PCDHGA8: variants seen among roughly 807,000 people sequenced by gnomAD.
PCDHGA8 encodes the protein protocadherin gamma-A8.
A neutral mutation model predicts 59.2 loss-of-function variants in PCDHGA8; 45 were observed. The ratio of observed to expected loss-of-function variants is 0.76; its 90% CI spans 0.60 to 0.98. The LOEUF (loss-of-function observed/expected upper bound fraction) is 0.98. PCDHGA8 is among the 50% of genes least tolerant of loss of function. PCDHGA8 has a pLI of 0.00. For synonymous variants in PCDHGA8, 531 were observed against 519.0 expected, an observed-to-expected ratio of 1.02 and a Z score of -0.32; for missense variants, 1,257 against 1,196.2, an observed-to-expected ratio of 1.05 and a Z score of -0.75.
rs753872678 is a variant in PCDHGA8, at chr5:141,431,407, C to G, written c.2424+36170C>G. 4 of 1,613,716 alleles carry G rather than the reference C, an allele frequency of 2.5e-6. No individual in the cohort carries two copies. Among genetic ancestry groups the G allele is most frequent in the Non-Finnish European group, 3.4e-6 (4 of 1,180,048 alleles). The stretch of plus-strand genomic sequence containing the variant: ...ACCACCTGGTCCTTACGGCCTCCGA[C>G]GGGGGCGACCCGGTGCGCACAGGCA... On this transcript the variant is annotated intron_variant, in intron 1 of 3. Coordinates refer to ENST00000398604, the MANE Select transcript of PCDHGA8 (RefSeq NM_032088.2). This position sits in a 1 kb window ranked among gnomAD's most constrained non-coding sequence, Gnocchi z 4.8.
intron 1 of PCDHGA8, chr5:141,399,703 C>T: frequency 1.2e-6 from 2 of 1,613,474 alleles, no homozygotes; most frequent in African/African-American, 1.3e-5. Flanking sequence ...CACCTTCGAA[C>T]TCACACTACA....
intron 1 of PCDHGA8, chr5:141,415,377 C>T (rs774655293): frequency 1.2e-6 from 2 of 1,614,118 alleles, no homozygotes; most frequent in African/African-American, 2.7e-5. Flanking sequence ...CTTCAGGAGG[C>T]GGCTTGACAG....
At chr5:141,405,054 C>T (rs773491411) in intron 1 of PCDHGA8, 7 of 1,613,806 alleles carry the variant, frequency 4.3e-6, no homozygotes, top group Admixed American at 1.7e-5. Flanking sequence ...GCAGTCGTCT[C>T]CTGTGTCTTC....
intron 1 of PCDHGA8, chr5:141,410,258 G>A: frequency 6.2e-7 from 1 of 1,614,022 alleles, no homozygotes; most frequent in East Asian, 2.2e-5. Context: ...TGACCCCCAG[G>A]CTGAACTGCA....
At chr5:141,420,742 A>G (rs967908996) in intron 1 of PCDHGA8, among the ~76,000 whole-genome samples, 3 of 152,372 alleles carry the variant, frequency 2.0e-5, no homozygotes, top group African/African-American at 7.2e-5. Context: ...AATCAATTGG[A>G]ACCAACTACA....
At chr5:141,421,651 A>G in intron 1 of PCDHGA8, 1 of 1,613,868 alleles carries the variant, frequency 6.2e-7, no homozygotes, top group Non-Finnish European at 8.5e-7. Flanking sequence ...AGTGGAGATA[A>G]AAGTCAGTGA....
At chr5:141,500,223 T>TATTG (rs1554186512) in intron 2 of PCDHGA8, among the ~76,000 whole-genome samples, 5 of 145,410 alleles carry the variant, frequency 3.4e-5, no homozygotes, top group African/African-American at 5.2e-5. Context: ...TTTATTTATT[T>TATTG]ATTGATACGT....
chr5:141,489,314 G>T lies in PCDHGA8; in HGVS notation c.2425-5493G>T. ...TGCATGTTGTCCTTGTGCTGCTGGG[G>T]CTGGGTGTCTGGGCAGCTTCGTTAC... On this transcript the variant is annotated intron_variant, in intron 1 of 3. Transcript: ENST00000398604. This position sits in a 1 kb window ranked among gnomAD's most constrained non-coding sequence, Gnocchi z 4.5. 6.3e-7 allele frequency: 1 copy of T among 1,596,908 alleles called. No individual in the cohort carries two copies. The highest frequency in any genetic ancestry group is 8.5e-7 in the Non-Finnish European group (1 of 1,170,694).
chr5:141,399,562 T>G (rs764432886), intron 1 of PCDHGA8: 1 of 1,613,898 alleles, frequency 6.2e-7, no homozygotes, highest in East Asian at 2.2e-5. Flanking sequence ...GGACTTGGGG[T>G]TGAACGGCCA....
rs942270362 is a variant in PCDHGA8 at position 141,394,773 on chromosome 5, C to T, written c.1960C>T (p.Leu654Phe). Residue 654 changes from leucine to phenylalanine, a missense_variant, in exon 1 of 4, where the codon CTC becomes TTC. By Grantham distance (22) the Leu-to-Phe change is conservative. Coordinates refer to ENST00000398604, the MANE Select transcript of PCDHGA8 (RefSeq NM_032088.2). The part of the protein sequence containing the change: ...VAVQDHGQPP[L>F]SATVTLTVAV... ...CGTCCAGGACCATGGCCAGCCCCCT[C>T]TCTCCGCCACTGTCACGCTCACCGT... 4.3e-5 allele frequency: 70 copies of T among 1,613,400 alleles called. No homozygotes were observed. The highest frequency in any genetic ancestry group is 5.6e-5 in the Non-Finnish European group (66 of 1,179,978).
intron 1 of PCDHGA8, among the ~76,000 whole-genome samples, chr5:141,454,195 T>A (rs1295815862): frequency 1.3e-5 from 2 of 152,136 alleles, no homozygotes; most frequent in Admixed American, 1.3e-4. Flanking sequence ...TTAGTGAAGG[T>A]GAATTTATTG....
Position 141,476,788 on chromosome 5 carries a change from C to G in PCDHGA8, c.2425-18019C>G. 1 of 1,613,478 alleles carries G rather than the reference C, an allele frequency of 6.2e-7. No homozygotes were observed. Among genetic ancestry groups the G allele is most frequent in the Non-Finnish European group, 8.5e-7 (1 of 1,180,032 alleles). ...CGTTGGACGGAGGGACCCCAGCTCT[C>G]TCCGCCAGCCTGCCTATTCACATCA... On this transcript the variant is annotated intron_variant, in intron 1 of 3. Coordinates refer to ENST00000398604, the MANE Select transcript of PCDHGA8 (RefSeq NM_032088.2). This position sits in a 1 kb window ranked among gnomAD's most constrained non-coding sequence, Gnocchi z 7.6.
At chr5:141,427,863 G>A (rs769808388) in intron 1 of PCDHGA8, 1 of 1,557,316 alleles carries the variant, frequency 6.4e-7, no homozygotes, top group Non-Finnish European at 8.8e-7. Context: ...GTGCGCCTTC[G>A]AGCTCACGAT....
At chr5:141,484,873 G>A (rs754469397) in intron 1 of PCDHGA8, 50 of 322,006 alleles carry the variant, frequency 1.6e-4, no homozygotes, top group Non-Finnish European at 2.5e-4. Flanking sequence ...GAGCGTGGAG[G>A]ATAGGGTGGG....
intron 1 of PCDHGA8, chr5:141,419,707 C>G (rs781629810): frequency 6.2e-7 from 1 of 1,613,180 alleles, no homozygotes. Flanking sequence ...AGCCCGGGCT[C>G]TTCAGCCTGG....
intron 1 of PCDHGA8, among the ~76,000 whole-genome samples, chr5:141,475,364 G>C (rs2099362607): frequency 6.6e-6 from 1 of 152,200 alleles, no homozygotes; most frequent in Admixed American, 6.5e-5. Flanking sequence ...AATAAAATCT[G>C]AATTGTACTT....
At chr5:141,464,300 A>T (rs1349155102) in intron 1 of PCDHGA8, among the ~76,000 whole-genome samples, 2 of 149,898 alleles carry the variant, frequency 1.3e-5, no homozygotes, top group African/African-American at 4.9e-5. Flanking sequence ...ACTCCATTGT[A>T]TGTGCACATA....
chr5:141,437,638 A>G (rs192433359), intron 1 of PCDHGA8, among the ~76,000 whole-genome samples: 1 of 152,250 alleles, frequency 6.6e-6, no homozygotes, highest in Admixed American at 6.5e-5. Context: ...TGTCAGGTTC[A>G]GAAAAGCAAA....
At chr5:141,401,936 G>A (rs950687803) in intron 1 of PCDHGA8, among the ~76,000 whole-genome samples, 1 of 152,100 alleles carries the variant, frequency 6.6e-6, no homozygotes, top group African/African-American at 2.4e-5. Flanking sequence ...TTAGAATAAT[G>A]TTTAAGACCA....
Sources: gnomAD v4.1 joint callset for allele counts (sites outside exome capture counted in the v4.1 genomes callset) on GRCh38, gnomAD v4.1.1 for gene constraint, Gnocchi (gnomAD v3.1) non-coding constraint, MANE v1.5 for transcripts, NCBI Gene and HGNC (gene_info 2026-07-23, HGNC 2026-07-21) for gene names.